The following LRMDA variants were observed in gnomAD, a reference collection of about 807,000 sequenced individuals.
LRMDA encodes leucine-rich melanocyte differentiation-associated protein.
In LRMDA, 18 loss-of-function variants were observed where a neutral mutation model predicts 29.8. That is an observed-to-expected ratio of 0.60 (90% CI 0.42 to 0.90). The LOEUF is 0.90. LRMDA is among the 40% of genes least tolerant of loss of function. The pLI is 0.00. For missense variants in LRMDA, 273 were observed against 273.9 expected, an observed-to-expected ratio of 1.00 and a Z score of 0.02; for synonymous variants, 125 against 109.4, an observed-to-expected ratio of 1.14 and a Z score of -0.89.
At chr10:76,389,558 G>A (rs1481255820) in intron 6 of LRMDA, among the ~76,000 whole-genome samples, 3 of 151,984 alleles carry the variant, frequency 2.0e-5, no homozygotes, top group East Asian at 1.9e-4. Flanking sequence ...GTGGTACCAC[G>A]ATGACCACCA....
intron 5 of LRMDA, among the ~76,000 whole-genome samples, chr10:76,085,951 G>A (rs1276467379): frequency 6.6e-6 from 1 of 152,142 alleles, no homozygotes; most frequent in Non-Finnish European, 1.5e-5. Flanking sequence ...CCAGCAATGG[G>A]GATCAGTCAC....
At chr10:76,339,652 G>A (rs553012883) in intron 6 of LRMDA, among the ~76,000 whole-genome samples, 7 of 151,852 alleles carry the variant, frequency 4.6e-5, no homozygotes, top group Non-Finnish European at 1.0e-4. Flanking sequence ...GCAGATCAAA[G>A]TAAGAAAAAA....
At chr10:76,093,617 C>T (rs185441470) in intron 5 of LRMDA, among the ~76,000 whole-genome samples, 18 of 152,164 alleles carry the variant, frequency 1.2e-4, no homozygotes, top group Non-Finnish European at 7.4e-5. Context: ...CTTCATTGCC[C>T]GACTTAAGAA....
chr10:75,864,454 G>T (rs7898632), intron 2 of LRMDA, among the ~76,000 whole-genome samples: 83,166 of 151,838 alleles, frequency 0.55, 23,297 homozygotes, highest in East Asian at 0.8. Flanking sequence ...TGGATTCTTA[G>T]TTCCAAGGAG....
At chr10:76,503,778 G>C (rs1250035762) in intron 6 of LRMDA, among the ~76,000 whole-genome samples, 1 of 150,846 alleles carries the variant, frequency 6.6e-6, no homozygotes, top group Non-Finnish European at 1.5e-5. Flanking sequence ...TGAAGATCTA[G>C]GTCTTGGTTT....
At chr10:76,483,353 C>T (rs1325076836) in intron 6 of LRMDA, among the ~76,000 whole-genome samples, 1 of 151,904 alleles carries the variant, frequency 6.6e-6, no homozygotes, top group Admixed American at 6.6e-5. Flanking sequence ...AAAGGCAGAA[C>T]TCTTTGTTAC....
At chr10:76,069,111 G>A (rs1848833778) in intron 5 of LRMDA, among the ~76,000 whole-genome samples, 1 of 152,158 alleles carries the variant, frequency 6.6e-6, no homozygotes, top group South Asian at 2.1e-4. Context: ...CAACCCTCTG[G>A]GAGGTGTGTT....
chr10:75,879,060 C>T (rs190882786), intron 2 of LRMDA, among the ~76,000 whole-genome samples: 7 of 152,316 alleles, frequency 4.6e-5, no homozygotes, highest in African/African-American at 1.7e-4. Context: ...ATCTGTTCCC[C>T]AGGTGACTCT....
intron 5 of LRMDA, among the ~76,000 whole-genome samples, chr10:76,248,163 A>G (rs1564699506): frequency 7.2e-5 from 11 of 152,144 alleles, no homozygotes. Context: ...TAATGTCTGG[A>G]TACATTTTTA....
intron 2 of LRMDA, among the ~76,000 whole-genome samples, chr10:75,803,299 AG>A (rs1190285703): frequency 6.6e-6 from 1 of 152,192 alleles, no homozygotes; most frequent in African/African-American, 2.4e-5. Context: ...TGAGTGTGTA[AG>A]GTCACTTAGC....
chr10:76,280,943 A>T (rs756133210), intron 5 of LRMDA, among the ~76,000 whole-genome samples: 1 of 152,172 alleles, frequency 6.6e-6, no homozygotes, highest in African/African-American at 2.4e-5. Flanking sequence ...TTATTGATAT[A>T]CAGGCTAAGG....
intron 6 of LRMDA, among the ~76,000 whole-genome samples, chr10:76,475,797 C>G (rs1842663709): frequency 6.6e-6 from 1 of 152,086 alleles, no homozygotes; most frequent in Non-Finnish European, 1.5e-5. Context: ...TCCTGAATGA[C>G]TACTTGGTAC....
At chr10:75,464,014 C>T (rs1844622823) in intron 2 of LRMDA, among the ~76,000 whole-genome samples, 1 of 152,144 alleles carries the variant, frequency 6.6e-6, no homozygotes, top group Admixed American at 6.5e-5. Flanking sequence ...GTTGGCAAGG[C>T]TGGTCTCGAA....
chr10:76,233,672 C>G (rs945885237), intron 5 of LRMDA, among the ~76,000 whole-genome samples: 2 of 152,156 alleles, frequency 1.3e-5, no homozygotes, highest in African/African-American at 4.8e-5. Flanking sequence ...CAAGAATGTT[C>G]ACAGCATCTT....
chr10:76,221,561 G>C (rs1851837799), intron 5 of LRMDA, among the ~76,000 whole-genome samples: 2 of 152,190 alleles, frequency 1.3e-5, no homozygotes, highest in South Asian at 4.1e-4. Context: ...CAGCTTACAA[G>C]GGATGTGAAG....
At chr10:75,960,830 T>C (rs931973716) in intron 2 of LRMDA, among the ~76,000 whole-genome samples, 1 of 152,096 alleles carries the variant, frequency 6.6e-6, no homozygotes, top group Non-Finnish European at 1.5e-5. Context: ...TTAGCCAGGA[T>C]GGTGTGGATC....
chr10:76,531,237 A>C (rs968897122), intron 6 of LRMDA, among the ~76,000 whole-genome samples: 8 of 152,180 alleles, frequency 5.3e-5, no homozygotes, highest in African/African-American at 1.9e-4. Context: ...TAATTACCTT[A>C]ATACCCAGTA....
chr10:76,345,473 A>G (rs1841095550), intron 6 of LRMDA, among the ~76,000 whole-genome samples: 1 of 148,036 alleles, frequency 6.8e-6, no homozygotes, highest in African/African-American at 2.4e-5. Context: ...TATTTATTTT[A>G]TATATATTTA....
At position 75,472,930 on chromosome 10, in the gene LRMDA, T is replaced by A. The variant is rs183275239; in HGVS notation, c.131+34436T>A. 3.3e-5 allele frequency among the ~76,000 whole-genome samples: 5 copies of A among 152,312 alleles called. No homozygotes were observed. The East Asian group carries it at 9.7e-4, about 29-fold the overall frequency. On this transcript the variant is annotated intron_variant, in intron 2 of 6. Coordinates refer to ENST00000611255, the MANE Select transcript of LRMDA (RefSeq NM_001305581.2). ...GAATTGAATGATCTGGGCTTAGGCA[T>A]TCAGGGTTCAGAGGGCTTTGGCATG...
Sources: gnomAD v4.1 joint callset for allele counts (sites outside exome capture counted in the v4.1 genomes callset) on GRCh38, gnomAD v4.1.1 for gene constraint, MANE v1.5 for transcripts, NCBI Gene and HGNC (gene_info 2026-07-23, HGNC 2026-07-21) for gene names.